Variants in NDRG3 observed in about 807,000 individuals in gnomAD.
NDRG3 encodes NDRG family member 3.
NDRG3 carries 23 observed loss-of-function variants against 57.2 expected under a neutral mutation model. The observed-to-expected ratio is 0.40, with a 90% confidence interval of 0.29 to 0.57. The LOEUF (loss-of-function observed/expected upper bound fraction) is 0.57. Among genes scored for constraint, NDRG3 ranks in the 20% least tolerant of loss-of-function variants. The pLI is 0.42. For synonymous variants in NDRG3, 132 were observed against 162.6 expected (o/e 0.81, Z 1.43); for missense variants, 384 against 457.3 (o/e 0.84, Z 1.46).
At position 36,700,463 on chromosome 20, in the gene NDRG3, C is replaced by T. The variant is rs201078182; in HGVS notation, c.93+6509G>A. 2.4e-4 allele frequency: 130 copies of T among 531,882 alleles called. 1 individual carries two copies. Among genetic ancestry groups the T allele is most frequent in the East Asian group, 5.5e-5 (1 of 18,294 alleles). 32.9% of individuals were successfully genotyped at this position (531,882 alleles called of 1,614,324 possible). On this transcript the variant is annotated intron_variant, in intron 3 of 15. Coordinates refer to ENST00000349004, the MANE Select transcript of NDRG3 (RefSeq NM_032013.4). ...CATGGTGATTGGCATGCATATTTTT[C>T]GTGACCTTGTGAATGAACAGCTTGA...
chr20:36,733,171 A>AAAAAAAAAT (rs1555807709), intron 1 of NDRG3, among the ~76,000 whole-genome samples: 3 of 33,228 alleles, frequency 9.0e-5, no homozygotes, highest in Non-Finnish European at 1.1e-4. Context: ...AAAAAAAAAA[A>AAAAAAAAAT]ATATATATAT....
chr20:36,669,226 T>G (rs1359112659), intron 9 of NDRG3, among the ~76,000 whole-genome samples: 1 of 151,382 alleles, frequency 6.6e-6, no homozygotes, highest in Non-Finnish European at 1.5e-5. Context: ...CCGGCTAATT[T>G]TGTATTTTTT....
At chr20:36,689,972 C>T (rs1369224124) in intron 3 of NDRG3, among the ~76,000 whole-genome samples, 1 of 151,840 alleles carries the variant, frequency 6.6e-6, no homozygotes, top group African/African-American at 2.4e-5. Context: ...CACCCACCTC[C>T]GCCTCCCAAA....
intron 8 of NDRG3, among the ~76,000 whole-genome samples, chr20:36,673,609 T>A (rs912398398): frequency 2.2e-4 from 33 of 152,144 alleles, no homozygotes; most frequent in Non-Finnish European, 5.9e-5. Flanking sequence ...TTTCACCATG[T>A]TGGCCAGGTG....
chr20:36,652,602 T>C lies in NDRG3; in HGVS notation c.*918A>G, dbSNP rs1174403830. 1 of 151,974 alleles carries C rather than the reference T, an allele frequency of 6.6e-6. No homozygotes were observed. 9.4% of individuals were successfully genotyped at this position (151,974 alleles called of 1,614,324 possible). ...TCTCCCCTTTCTGGGAACTGAGGAA[T>C]GGAGACACACTCTCTGTCACAGACC... On this transcript the variant is annotated 3_prime_UTR_variant, in exon 16 of 16. Coordinates refer to ENST00000349004, the MANE Select transcript of NDRG3 (RefSeq NM_032013.4).
intron 3 of NDRG3, among the ~76,000 whole-genome samples, chr20:36,693,545 G>A (rs1182662348): frequency 6.6e-5 from 10 of 151,844 alleles, no homozygotes; most frequent in Non-Finnish European, 1.2e-4. Context: ...CTTAGGAACC[G>A]AGCCGCACAG....
Position 36,697,544 on chromosome 20 carries a change from T to A in NDRG3, c.94-8760A>T, listed in dbSNP as rs192686457. Among the ~76,000 whole-genome samples the A allele has an allele frequency of 1.7e-3, 266 of 152,042 alleles. 2 individuals carry two copies. Among genetic ancestry groups the A allele is most frequent in the African/African-American group, 6.0e-3 (250 of 41,516 alleles). Reference sequence around the variant, plus strand: ...CAGTATGGCGAAACCCCATCTCTACTAAAAAATACAAAAATTAGCCAGGCG... The same window carrying A: ...CAGTATGGCGAAACCCCATCTCTACAAAAAAATACAAAAATTAGCCAGGCG... On this transcript the variant is annotated intron_variant, in intron 3 of 15. Coordinates refer to ENST00000349004, the MANE Select transcript of NDRG3 (RefSeq NM_032013.4).
In NDRG3 at chr20:36,679,324, G is replaced by A. The variant is rs138932730; in HGVS notation, c.531+1492C>T. On this transcript the variant is annotated intron_variant, in intron 8 of 15. Transcript: ENST00000349004. ...AAAGCTAAACATACAAATGCCCTAT[G>A]ACATAGCAATTTCACTCCTAGGTAT... Among the ~76,000 whole-genome samples, 3 of 152,194 alleles carry A rather than the reference G, an allele frequency of 2.0e-5. No individual in the cohort carries two copies. In the East Asian group the frequency reaches 5.8e-4, roughly 29 times the overall value.
At chr20:36,725,398 T>C (rs6065236) in intron 1 of NDRG3, among the ~76,000 whole-genome samples, 2,630 of 151,756 alleles carry the variant, frequency 0.017, 42 homozygotes, top group Non-Finnish European at 0.025. Context: ...TCACCTGAGG[T>C]TCGAGACCAG....
At chr20:36,671,793 C>T (rs1980194751) in intron 8 of NDRG3, among the ~76,000 whole-genome samples, 2 of 145,046 alleles carry the variant, frequency 1.4e-5, no homozygotes, top group South Asian at 2.2e-4. Flanking sequence ...CACAGTGAGA[C>T]TCCGTCTCAA....
chr20:36,688,869 G>C, intron 3 of NDRG3, 85 bp from the exon 4 acceptor site: 1 of 933,704 alleles, frequency 1.1e-6, no homozygotes, highest in Non-Finnish European at 1.8e-6. Flanking sequence ...CTTTACCACC[G>C]TTTCCCACGA....
At chr20:36,665,342 G>T (rs1424715201) in intron 10 of NDRG3, 41 bp from the exon 11 acceptor site, 1 of 1,581,880 alleles carries the variant, frequency 6.3e-7, no homozygotes, top group South Asian at 1.1e-5. Context: ...TTTGGGTAAA[G>T]TCATAGCAAC....
chr20:36,668,771 C>T (rs964437043), intron 9 of NDRG3: 2 of 150,920 alleles, frequency 1.3e-5, no homozygotes, highest in African/African-American at 2.4e-5. Flanking sequence ...TATGTACATA[C>T]ATAGTTATAT....
chr20:36,705,010 A>G (rs992184024), intron 3 of NDRG3, among the ~76,000 whole-genome samples: 5 of 152,280 alleles, frequency 3.3e-5, no homozygotes, highest in East Asian at 1.9e-4. Flanking sequence ...TTTCCTGACT[A>G]TAAAACAGAA....
rs1986176778 is a variant in NDRG3, at chr20:36,746,042, C to T, written c.-49+3G>A. 2 of 341,362 alleles carry T rather than the reference C, an allele frequency of 5.9e-6. No individual in the cohort carries two copies. The highest frequency in any genetic ancestry group is 1.0e-5 in the Non-Finnish European group (2 of 192,756). 21.1% of individuals were successfully genotyped at this position (341,362 alleles called of 1,614,324 possible). On this transcript the variant is annotated splice_donor_region_variant and intron_variant, in intron 1 of 15. Transcript: ENST00000349004. ...CGCGGGCCGGGCGGAGGCGCTCACTCACCTGAGGCGCGGGCACCCGCCGTC... is the reference window on the plus strand; with the variant it reads ...CGCGGGCCGGGCGGAGGCGCTCACTTACCTGAGGCGCGGGCACCCGCCGTC...
At chr20:36,733,774 T>C (rs752641374) in intron 1 of NDRG3, among the ~76,000 whole-genome samples, 3 of 151,712 alleles carry the variant, frequency 2.0e-5, no homozygotes, top group Non-Finnish European at 4.4e-5. Context: ...GAGAATAATC[T>C]GGAAAGGGTC....
At chr20:36,661,252 A>AT (rs1979179505) in intron 12 of NDRG3, among the ~76,000 whole-genome samples, 1 of 152,204 alleles carries the variant, frequency 6.6e-6, no homozygotes, top group African/African-American at 2.4e-5. Flanking sequence ...GAGTCATTTA[A>AT]TTAAGAATCA....
At chr20:36,711,051 C>A (rs558728059) in intron 2 of NDRG3, among the ~76,000 whole-genome samples, 3 of 148,584 alleles carry the variant, frequency 2.0e-5, no homozygotes, top group Admixed American at 6.8e-5. Context: ...GAGTCCGGGG[C>A]GGGTGGATCA....
At chr20:36,654,981 G>A (rs1978531873) in intron 15 of NDRG3, 2 of 676,760 alleles carry the variant, frequency 3.0e-6, no homozygotes. Flanking sequence ...AGGAGGTGAG[G>A]CTGACAGATA....
Sources: allele counts gnomAD v4.1 joint callset (sites outside exome capture counted in the v4.1 genomes callset), GRCh38; gene constraint gnomAD v4.1.1; transcripts MANE v1.5; gene names NCBI Gene and HGNC (gene_info 2026-07-23, HGNC 2026-07-21).